The following MYO3A variants were observed in gnomAD, a reference collection of about 807,000 sequenced individuals.
MYO3A encodes myosin-IIIa.
In MYO3A, 180 loss-of-function variants were observed where a neutral mutation model predicts 192.7. The observed-to-expected ratio is 0.93, with a 90% CI of 0.83 to 1.06. The LOEUF (loss-of-function observed/expected upper bound fraction) is 1.06. MYO3A is among the 50% of genes least tolerant of loss of function. The pLI is 0.00. For missense variants in MYO3A, 1,896 were observed against 1,905.0 expected (o/e 1.00, Z 0.09); for synonymous variants, 628 against 645.3 (o/e 0.97, Z 0.41).
rs1286612883 is a variant in MYO3A at position 26,021,578 on chromosome 10, A to G, written c.661A>G (p.Ile221Val). The change falls in exon 8 of 35, where the codon ATT becomes GTT. Residue 221 changes from isoleucine to valine, a missense_variant. Coordinates refer to ENST00000642920, the MANE Select transcript of MYO3A (RefSeq NM_017433.5). ...CDTWSLGITA[I>V]ELGDGDPPLA... ...CACTTGGTCCCTGGGTATCACGGCCATTGAGCTGGGTGATGGAGATCCTCC... is the reference window on the plus strand; with the variant it reads ...CACTTGGTCCCTGGGTATCACGGCCGTTGAGCTGGGTGATGGAGATCCTCC... The G allele has an allele frequency of 1.2e-5, 19 of 1,614,092 alleles. No individual in the cohort carries two copies. Among genetic ancestry groups the G allele is most frequent in the Non-Finnish European group, 1.5e-5 (18 of 1,179,974 alleles).
intron 10 of MYO3A, among the ~76,000 whole-genome samples, chr10:26,039,631 G>A (rs1250504024): frequency 1.3e-5 from 2 of 151,884 alleles, no homozygotes; most frequent in Non-Finnish European, 2.9e-5. Flanking sequence ...ATGTGTCTGG[G>A]AATTTATTTA....
intron 10 of MYO3A, among the ~76,000 whole-genome samples, chr10:26,034,947 GCA>G (rs1371643075): frequency 1.7e-4 from 26 of 151,088 alleles, no homozygotes; most frequent in South Asian, 2.1e-4. Context: ...GTGTGTGTGC[GCA>G]CACATCATTT....
In MYO3A at chr10:26,026,427, A is replaced by G. The variant is rs199541460; in HGVS notation, c.848A>G (p.Gln283Arg). The G allele has an allele frequency of 1.2e-6, 2 of 1,614,060 alleles. No individual in the cohort carries two copies. Among genetic ancestry groups the G allele is most frequent in the African/African-American group, 1.3e-5 (1 of 74,946 alleles). The change falls in exon 10 of 35, where the codon CAG becomes CGG. Residue 283 changes from glutamine (Q) to arginine (R), a missense_variant. Physicochemically the swap from Gln to Arg is conservative, Grantham distance 43 (BLOSUM62 1). Coordinates refer to ENST00000642920, the MANE Select transcript of MYO3A (RefSeq NM_017433.5). ...EKRPTVSELL[Q>R]HKFITQIEGK... ...CGTCCAACAGTGTCAGAACTTTTAC[A>G]GCATAAATTCATTACTCAAATTGAG...
At chr10:26,147,629 A>C in intron 23 of MYO3A, 70 bp downstream of exon 23, 2 of 1,602,948 alleles carry the variant, frequency 1.2e-6, no homozygotes, top group South Asian at 2.2e-5. Flanking sequence ...TGCGCTTTTC[A>C]CTAATTTCAT....
At chr10:26,121,863 T>C (rs1361091738) in intron 18 of MYO3A, among the ~76,000 whole-genome samples, 1 of 152,174 alleles carries the variant, frequency 6.6e-6, no homozygotes, top group African/African-American at 2.4e-5. Flanking sequence ...GGGGGCTAAG[T>C]GCCAGATTAT....
chr10:26,034,920 A>G (rs1054830747), intron 10 of MYO3A, among the ~76,000 whole-genome samples: 1 of 141,850 alleles, frequency 7.0e-6, no homozygotes, highest in Non-Finnish European at 1.6e-5. Context: ...TTTTTTTTAC[A>G]TGAAGCGTGT....
chr10:26,101,301 A>T (rs577477556), intron 17 of MYO3A, among the ~76,000 whole-genome samples: 201 of 152,178 alleles, frequency 1.3e-3, no homozygotes, highest in African/African-American at 4.6e-3. Flanking sequence ...TCTGCACATG[A>T]TATGTGTCTC....
chr10:26,099,918 G>A (rs978790599), intron 17 of MYO3A, among the ~76,000 whole-genome samples: 1 of 152,132 alleles, frequency 6.6e-6, no homozygotes, highest in African/African-American at 2.4e-5. Context: ...GGCTGACGCT[G>A]GCCTCATAAA....
chr10:26,001,077 C>G (rs1411392969), intron 6 of MYO3A, among the ~76,000 whole-genome samples: 1 of 152,120 alleles, frequency 6.6e-6, no homozygotes, highest in Non-Finnish European at 1.5e-5. Flanking sequence ...CCAATCACCT[C>G]CCACCAGGTC....
At chr10:26,060,306 A>AAT (rs1275885657) in intron 10 of MYO3A, among the ~76,000 whole-genome samples, 1,597 of 47,210 alleles carry the variant, frequency 0.034, 23 homozygotes, top group Middle Eastern at 0.11. Flanking sequence ...AATAAATTTA[A>AAT]AAAATACAAA....
At position 26,068,761 on chromosome 10, in the gene MYO3A, A is replaced by G. The variant is rs1273121883; in HGVS notation, c.1054-7A>G. ...TAAGAAGGAGAAATTATTTTATTTT[A>G]TTGCAGAATACAGTCTCAGAGCAAC... On this transcript the variant is annotated splice_region_variant and splice_polypyrimidine_tract_variant and intron_variant, in intron 11 of 34. Coordinates refer to ENST00000642920, the MANE Select transcript of MYO3A (RefSeq NM_017433.5). 15 of 1,503,852 alleles carry G rather than the reference A, an allele frequency of 1.0e-5. No homozygotes were observed. Among genetic ancestry groups the G allele is most frequent in the Non-Finnish European group, 1.4e-5 (15 of 1,081,664 alleles). 93.2% of individuals were successfully genotyped at this position (1,503,852 alleles called of 1,614,324 possible).
At chr10:26,163,178 C>A (rs1188308216) in intron 26 of MYO3A, among the ~76,000 whole-genome samples, 1 of 152,154 alleles carries the variant, frequency 6.6e-6, no homozygotes, top group African/African-American at 2.4e-5. Flanking sequence ...GTGTGGCAAA[C>A]AATTTAAAGC....
intron 10 of MYO3A, among the ~76,000 whole-genome samples, chr10:26,030,929 T>A (rs755843481): frequency 2.0e-5 from 3 of 152,206 alleles, no homozygotes; most frequent in Non-Finnish European, 2.9e-5. Context: ...TCAACTATTC[T>A]GAAGAATTAA....
chr10:26,009,747 G>A (rs1486632275), intron 6 of MYO3A, among the ~76,000 whole-genome samples: 1 of 152,224 alleles, frequency 6.6e-6, no homozygotes, highest in Non-Finnish European at 1.5e-5. Flanking sequence ...TTTTAAGAAT[G>A]ACTTCTTTGC....
Position 25,951,617 on chromosome 10 carries a change from A to T in MYO3A, c.-17-477A>T, listed in dbSNP as rs568685997. Among the ~76,000 whole-genome samples the T allele has an allele frequency of 2.6e-4, 39 of 152,298 alleles. No homozygotes were observed. The South Asian group carries it at 3.9e-3, about 15-fold the overall frequency. On this transcript the variant is annotated intron_variant, in intron 2 of 34. Transcript: ENST00000642920. ...AAGAATTTGGTAGGTTATGTTAAGG[A>T]AATTCCATCCTAAAAGCCATGTTAG...
Position 26,131,223 on chromosome 10 carries a change from A to G in MYO3A, c.2262+2685A>G, listed in dbSNP as rs368683209. Among the ~76,000 whole-genome samples, 499 of 152,310 alleles carry G rather than the reference A, an allele frequency of 3.3e-3. 2 individuals are homozygous for G. The highest frequency in any genetic ancestry group is 5.6e-3 in the Non-Finnish European group (379 of 68,028). On this transcript the variant is annotated intron_variant, in intron 20 of 34. Transcript: ENST00000642920. ...TGAAAGCATTTTCCTATTTAGTCCA[A>G]TTTCAGTGTATTTGTAATAGACAGT...
At chr10:26,097,337 G>A (rs1016356928) in intron 17 of MYO3A, among the ~76,000 whole-genome samples, 3 of 151,794 alleles carry the variant, frequency 2.0e-5, no homozygotes, top group African/African-American at 7.3e-5. Flanking sequence ...ATCCATTTTT[G>A]CAGCATGTAT....
chr10:26,097,429 C>T (rs1358536714), intron 17 of MYO3A, among the ~76,000 whole-genome samples: 1 of 151,814 alleles, frequency 6.6e-6, no homozygotes, highest in East Asian at 1.9e-4. Flanking sequence ...GGTACATGTG[C>T]ACAATGTGCA....
intron 4 of MYO3A, among the ~76,000 whole-genome samples, chr10:25,965,562 G>A (rs749671569): frequency 6.6e-5 from 10 of 152,044 alleles, no homozygotes; most frequent in Non-Finnish European, 1.5e-4. Context: ...AGTTCGTTGC[G>A]TGATCCCCGA....
Sources: gnomAD v4.1 joint callset for allele counts (sites outside exome capture counted in the v4.1 genomes callset) on GRCh38, gnomAD v4.1.1 for gene constraint, MANE v1.5 for transcripts, NCBI Gene and HGNC (gene_info 2026-07-23, HGNC 2026-07-21) for gene names.